The following ZDHHC11 variants were observed in gnomAD, a reference collection of about 807,000 sequenced individuals.
The protein encoded by ZDHHC11 is zDHHC palmitoyltransferase 11, also known as palmitoyltransferase ZDHHC11.
ZDHHC11 carries 44 observed loss-of-function variants against 51.3 expected under a neutral mutation model. The observed-to-expected ratio is 0.86, with a 90% CI of 0.67 to 1.10. The LOEUF (loss-of-function observed/expected upper bound fraction) is 1.10, where lower values mean the gene tolerates loss of function less well. ZDHHC11 is among the 50% of genes least tolerant of loss of function. ZDHHC11 has a pLI of 0.00. For missense variants in ZDHHC11, 400 were observed against 537.7 expected (o/e 0.74, Z 2.53); for synonymous variants, 163 against 222.0 (o/e 0.73, Z 2.36).
intron 11 of ZDHHC11, among the ~76,000 whole-genome samples, chr5:803,577 A>T (rs1473106119): frequency 6.6e-6 from 1 of 151,210 alleles, no homozygotes; most frequent in East Asian, 1.9e-4. Context: ...CCAGTTTTTA[A>T]CAAAAAATTA....
chr5:825,095 G>A (rs2150346155), intron 8 of ZDHHC11, 69 bp downstream of exon 8: 3 of 1,491,074 alleles, frequency 2.0e-6, no homozygotes, highest in South Asian at 2.3e-5. Context: ...CTCAGCTTGG[G>A]GGACCCGAGA....
rs1372806608 is a variant in ZDHHC11, at chr5:809,019, A to G, written c.1181+5742T>C. ...CACACACACACACACACACACGCAC[A>G]CTATTTATTCCCCACCTGTCTCCTA... On this transcript the variant is annotated intron_variant, in intron 11 of 12. Transcript: ENST00000283441. Among the ~76,000 whole-genome samples the G allele has an allele frequency of 1.5e-3, 225 of 148,292 alleles. 1 individual carries two copies. The highest frequency in any genetic ancestry group is 5.4e-3 in the African/African-American group (215 of 39,636).
chr5:832,092 C>G (rs577739390), intron 7 of ZDHHC11, among the ~76,000 whole-genome samples: 2 of 124,000 alleles, frequency 1.6e-5, no homozygotes, highest in East Asian at 4.6e-4. Flanking sequence ...TATTTGTGAT[C>G]TGTATATATG....
intron 7 of ZDHHC11, among the ~76,000 whole-genome samples, chr5:833,329 T>G (rs1296385579): frequency 6.6e-6 from 1 of 150,442 alleles, no homozygotes; most frequent in Admixed American, 6.6e-5. Context: ...CCCTGTTGGG[T>G]GGGGCTCCGG....
chr5:831,077 A>G (rs2150360845), intron 7 of ZDHHC11, among the ~76,000 whole-genome samples: 1 of 149,666 alleles, frequency 6.7e-6, no homozygotes, highest in Admixed American at 6.8e-5. Flanking sequence ...CATGACGAAG[A>G]ATCCAAAAGC....
intron 11 of ZDHHC11, among the ~76,000 whole-genome samples, chr5:808,703 T>C (rs919164625): frequency 1.4e-5 from 2 of 138,782 alleles, no homozygotes; most frequent in African/African-American, 5.4e-5. Context: ...CCTAGCTAAT[T>C]TTTTTTTTTT....
At chr5:824,172 C>G in intron 8 of ZDHHC11, 1 of 437,548 alleles carries the variant, frequency 2.3e-6, no homozygotes, top group Non-Finnish European at 4.6e-6. Context: ...AAAGGACCAG[C>G]CTGCGGCCTG....
At chr5:859,542 G>A (rs372331688), upstream of ZDHHC11, among the ~76,000 whole-genome samples, 74 of 152,194 alleles carry the variant, frequency 4.9e-4, no homozygotes, top group Non-Finnish European at 9.4e-4. Flanking sequence ...AGGAACCGGG[G>A]GAGGGACCTG....
At position 838,276 on chromosome 5, in the gene ZDHHC11, G is replaced by C. The variant is rs560733448; in HGVS notation, c.785-796C>G. 2.5e-3 allele frequency among the ~76,000 whole-genome samples: 379 copies of C among 152,076 alleles called. 5 individuals are homozygous for C. The highest frequency in any genetic ancestry group is 8.8e-3 in the African/African-American group (365 of 41,540). ...ACCTGATACACCCGTTTATCTAAAA[G>C]AGCCGTCTTAACAAACGTTAATAAA... On this transcript the variant is annotated intron_variant, in intron 5 of 12. Transcript: ENST00000283441.
upstream of ZDHHC11, among the ~76,000 whole-genome samples, chr5:852,271 G>T (rs1172420667): frequency 1.3e-5 from 2 of 151,970 alleles, no homozygotes; most frequent in East Asian, 3.9e-4. Flanking sequence ...GGAGAAGAGG[G>T]GAATCGCTCA....
At position 850,545 on chromosome 5, in the gene ZDHHC11, C is replaced by G; in HGVS notation, c.58G>C (p.Glu20Gln). 6.2e-7 allele frequency: 1 copy of G among 1,613,748 alleles called. No homozygotes were observed. The change falls in exon 1 of 13, where the codon GAA becomes CAA. Residue 20 changes from glutamate to glutamine, a missense_variant. Transcript: ENST00000283441. ...SVTPEAILNNEKLVLPPRISR... is the reference protein window; with the variant it reads ...SVTPEAILNNQKLVLPPRISR... ...ATGCGGGGCGGCAAGACCAGCTTTT[C>G]ATTATTGAGTATGGCTTCTGGGGTG...
At chr5:848,771 C>T (rs1295779570) in intron 1 of ZDHHC11, 111 bp from the exon 2 acceptor site, 13 of 1,475,312 alleles carry the variant, frequency 8.8e-6, no homozygotes, top group Non-Finnish European at 1.1e-5. Flanking sequence ...CCCTGCTCAC[C>T]CAGCCCTGCA....
intron 3 of ZDHHC11, among the ~76,000 whole-genome samples, 192 bp from the exon 4 acceptor site, chr5:843,916 GCAGGGCATC>G (rs1745590775): frequency 5.2e-5 from 6 of 114,594 alleles, no homozygotes; most frequent in Admixed American, 4.8e-4. Flanking sequence ...GCAGGGACAC[GCAGGGCATC>G]TGAGGCAGGG....
Position 820,724 on chromosome 5 carries a change from G to A in ZDHHC11, c.1059-1112C>T, listed in dbSNP as rs550446898. Among the ~76,000 whole-genome samples the A allele has an allele frequency of 2.6e-4, 39 of 151,584 alleles. 2 individuals are homozygous for A. Among genetic ancestry groups the A allele is most frequent in the Non-Finnish European group, 4.1e-4 (28 of 67,700 alleles). On this transcript the variant is annotated intron_variant, in intron 9 of 12. Coordinates refer to ENST00000283441, the MANE Select transcript of ZDHHC11 (RefSeq NM_024786.3). ...TGTAACTGGAACTTGAATTTCATGT[G>A]TCTAGGAACTGGACAAAGTCATCTG... is the stretch of plus-strand genomic sequence containing the variant.
chr5:801,171 G>A lies in ZDHHC11; in HGVS notation c.1182-7C>T, dbSNP rs543905806. ...TGTTGTTTCTTGTTGCAGCCTGTTT[G>A]CAATATTCAGAAAGAGAAACAACAG... is the stretch of plus-strand genomic sequence containing the variant. On this transcript the variant is annotated splice_region_variant and splice_polypyrimidine_tract_variant and intron_variant, in intron 11 of 12. Coordinates refer to ENST00000283441, the MANE Select transcript of ZDHHC11 (RefSeq NM_024786.3). The A allele has an allele frequency of 1.9e-6, 3 of 1,610,600 alleles. No individual in the cohort carries two copies. The highest frequency in any genetic ancestry group is 1.7e-5 in the Admixed American group (1 of 59,910).
intron 11 of ZDHHC11, among the ~76,000 whole-genome samples, chr5:810,629 A>T (rs575284347): frequency 1.2e-4 from 18 of 151,496 alleles, no homozygotes; most frequent in African/African-American, 4.4e-4. Context: ...CTGAAGTAAA[A>T]GGCTGTGAGT....
At chr5:851,396 C>T (rs1157320404), upstream of ZDHHC11, among the ~76,000 whole-genome samples, 1 of 143,574 alleles carries the variant, frequency 7.0e-6, no homozygotes, top group Admixed American at 7.3e-5. Context: ...AGACACTCAA[C>T]GGCCGCTACG....
rs376701456 is a variant in ZDHHC11, at chr5:821,865, G to C, written c.1054C>G (p.Leu352Val). ...EGDEDPCPSA[L>V]GAKARNSRLI... The stretch of plus-strand genomic sequence containing the variant: ...CCATTAAACTTACAAACTCACCCAA[G>C]TGCAGATGGACACGGGTCTTCATCC... The change falls in exon 9 of 13, where the codon CTT becomes GTT. Residue 352 changes from leucine to valine, a missense_variant. Transcript: ENST00000283441. The C allele has an allele frequency of 3.4e-5, 54 of 1,605,690 alleles. 2 individuals are homozygous for C. The highest frequency in any genetic ancestry group is 1.5e-4 in the Admixed American group (9 of 59,526).
rs201342526 is a variant in ZDHHC11 at position 857,762 on chromosome 5, T to TCC, written c.-1+1110_-1+1111dup. 7.7e-5 allele frequency among the ~76,000 whole-genome samples: 10 copies of TCC among 130,440 alleles called. No individual in the cohort carries two copies. The East Asian group carries it at 2.6e-3, about 33-fold the overall frequency. The allele number at this position is 130,440 out of a possible 152,430, so 85.6% of individuals were successfully genotyped here. On this transcript the variant is annotated intron_variant, in intron 1 of 3. Transcript: ENST00000685990. Reference sequence around the variant, plus strand: ...CCGTCCTGTCTTTATGACACCGTGGTCCCCCGAGTCTGTCCCGGTCCCCAT... The same window carrying TCC: ...CCGTCCTGTCTTTATGACACCGTGGTCCCCCCCGAGTCTGTCCCGGTCCCCAT...
Sources: allele counts gnomAD v4.1 joint callset (sites outside exome capture counted in the v4.1 genomes callset), GRCh38; gene constraint gnomAD v4.1.1; transcripts MANE v1.5; gene names NCBI Gene and HGNC (gene_info 2026-07-23, HGNC 2026-07-21).